Variants in RANBP3 observed in about 807,000 individuals in gnomAD.
RANBP3 encodes the protein ran-binding protein 3.
RANBP3 carries 14 observed loss-of-function variants against 77.3 expected under a neutral mutation model. The ratio of observed to expected loss-of-function variants is 0.18; its 90% CI spans 0.12 to 0.28. The LOEUF is 0.28. Ranked by LOEUF, RANBP3 falls within the 10% of genes least tolerant of loss-of-function variation. The pLI, the probability that RANBP3 is intolerant of heterozygous loss-of-function variation, is 1.00. For missense variants in RANBP3, 586 were observed against 752.3 expected (o/e 0.78, Z 2.59); for synonymous variants, 315 against 312.4 (o/e 1.01, Z -0.09).
intron 5 of RANBP3, among the ~76,000 whole-genome samples, chr19:5,940,695 C>G (rs967834172): frequency 6.6e-6 from 1 of 152,142 alleles, no homozygotes; most frequent in Non-Finnish European, 1.5e-5. Context: ...CATGAACTTT[C>G]CAGGAATGGA....
At chr19:5,954,805 C>A (rs2058316538) in intron 2 of RANBP3, among the ~76,000 whole-genome samples, 1 of 152,182 alleles carries the variant, frequency 6.6e-6, no homozygotes, top group Non-Finnish European at 1.5e-5. Context: ...TCCCTGCAGG[C>A]CCTGAACCAG....
In RANBP3 at chr19:5,921,173, G is replaced by A. The variant is rs1251229516; in HGVS notation, c.1330+28C>T. 6.3e-7 allele frequency: 1 copy of A among 1,599,536 alleles called. No homozygotes were observed. The highest frequency in any genetic ancestry group is 1.3e-5 in the African/African-American group (1 of 74,666). On this transcript the variant is annotated intron_variant, in intron 14 of 16. Transcript: ENST00000340578. This position sits in a 1 kb window ranked among gnomAD's most constrained non-coding sequence, Gnocchi z 5.3. The stretch of plus-strand genomic sequence containing the variant: ...CCCCAGCCCTCCCCATGGGGACCCG[G>A]CCACAGCCCCCGCCGTCGGCAGCTC...
intron 3 of RANBP3, among the ~76,000 whole-genome samples, chr19:5,946,595 G>A (rs750126529): frequency 3.9e-5 from 6 of 152,180 alleles, no homozygotes; most frequent in Non-Finnish European, 7.4e-5. Flanking sequence ...GACAGAACGC[G>A]TGCCTGTGGA....
chr19:5,949,493 C>T (rs1429970217), intron 3 of RANBP3, among the ~76,000 whole-genome samples: 1 of 152,198 alleles, frequency 6.6e-6, no homozygotes, highest in African/African-American at 2.4e-5. Context: ...TCCTGGGGCT[C>T]CTGAAAGTGG....
chr19:5,945,158 G>A (rs1360231034), intron 3 of RANBP3, among the ~76,000 whole-genome samples: 1 of 152,182 alleles, frequency 6.6e-6, no homozygotes, highest in Non-Finnish European at 1.5e-5. Context: ...AGCCCGTTTA[G>A]CATTTGTTCA....
intron 1 of RANBP3, among the ~76,000 whole-genome samples, chr19:5,972,061 T>C (rs972510304): frequency 6.6e-6 from 1 of 152,272 alleles, no homozygotes; most frequent in Non-Finnish European, 1.5e-5. Context: ...TGGCTCCTAA[T>C]TACAAACAAA....
At chr19:5,966,010 G>A (rs1178396231) in intron 1 of RANBP3, 1 of 152,234 alleles carries the variant, frequency 6.6e-6, no homozygotes, top group Admixed American at 6.5e-5. Flanking sequence ...CGACTCTGAA[G>A]CCCCGGCCCA....
In RANBP3 at chr19:5,935,766, T is replaced by C. The variant is rs114495241; in HGVS notation, c.407-2287A>G. The C allele has an allele frequency of 8.2e-4, 374 of 456,760 alleles. 2 individuals are homozygous for C. Among genetic ancestry groups the C allele is most frequent in the African/African-American group, 6.7e-3 (338 of 50,218 alleles). The allele number at this position is 456,760 out of a possible 1,614,324, so 28.3% of individuals were successfully genotyped here. A position where few individuals can be genotyped will look rare whatever the true frequency, so the allele number is the denominator to read the frequency against. On this transcript the variant is annotated intron_variant, in intron 5 of 16. Coordinates refer to ENST00000340578, the MANE Select transcript of RANBP3 (RefSeq NM_007322.3). ...GCGTGCTCCAGGGGTAGCCAAAATC[T>C]GGAGGTCCCTGTCACAGGCCCTGCT...
At chr19:5,940,975 G>A (rs1411798942) in intron 5 of RANBP3, among the ~76,000 whole-genome samples, 2 of 152,210 alleles carry the variant, frequency 1.3e-5, no homozygotes, top group Admixed American at 1.3e-4. Flanking sequence ...TGAGTCCCCA[G>A]GCCGACCTCC....
At chr19:5,962,520 G>A (rs1360386456) in intron 1 of RANBP3, among the ~76,000 whole-genome samples, 1 of 152,108 alleles carries the variant, frequency 6.6e-6, no homozygotes, top group African/African-American at 2.4e-5. Flanking sequence ...AATGTCACAC[G>A]CCGCAAGGAC....
chr19:5,923,364 C>G, intron 12 of RANBP3, 61 bp from the exon 13 acceptor site: 1 of 1,516,640 alleles, frequency 6.6e-7, no homozygotes, highest in Non-Finnish European at 9.1e-7. Context: ...GCCATCTCCC[C>G]TCATCCGACA....
chr19:5,935,661 AC>A (rs2058054570), intron 5 of RANBP3: 1 of 454,628 alleles, frequency 2.2e-6, no homozygotes, highest in Non-Finnish European at 4.4e-6. Context: ...GAAGCAGGAG[AC>A]TTGGATAATC....
At chr19:5,977,538 G>A (rs1169863780) in intron 1 of RANBP3, among the ~76,000 whole-genome samples, 1 of 152,174 alleles carries the variant, frequency 6.6e-6, no homozygotes, top group Non-Finnish European at 1.5e-5. Flanking sequence ...GGCGGGGACG[G>A]GGTGAAAACG....
intron 1 of RANBP3, among the ~76,000 whole-genome samples, chr19:5,964,422 A>C (rs771222113): frequency 1.3e-5 from 2 of 152,112 alleles, no homozygotes; most frequent in African/African-American, 2.4e-5. Flanking sequence ...GGATGAAAAG[A>C]TTCAATCCTA....
Position 5,968,733 on chromosome 19 carries a change from T to C in RANBP3, c.22+9328A>G, listed in dbSNP as rs1043273372. Among the ~76,000 whole-genome samples the C allele has an allele frequency of 2.0e-5, 3 of 152,134 alleles. 1 individual carries two copies. The highest frequency in any genetic ancestry group is 4.8e-5 in the African/African-American group (2 of 41,438). On this transcript the variant is annotated intron_variant, in intron 1 of 16. Coordinates refer to ENST00000340578, the MANE Select transcript of RANBP3 (RefSeq NM_007322.3). ...GAGGTCACAGGAAACAGGTGGGATC[T>C]GAAGGCAGGCCGAGCCGAGCAGCCA...
At chr19:5,954,350 A>G (rs1243641961) in intron 2 of RANBP3, among the ~76,000 whole-genome samples, 1 of 152,178 alleles carries the variant, frequency 6.6e-6, no homozygotes, top group Non-Finnish European at 1.5e-5. Context: ...GGCAATTAGG[A>G]CAATTTAAAA....
Position 5,952,839 on chromosome 19 carries a change from C to G in RANBP3, c.79-1243G>C, listed in dbSNP as rs891383583. On this transcript the variant is annotated intron_variant, in intron 2 of 16. Coordinates refer to ENST00000340578, the MANE Select transcript of RANBP3 (RefSeq NM_007322.3). This position sits in a 1 kb window ranked among gnomAD's most constrained non-coding sequence, Gnocchi z 4.1. ...CCTCTTCGTATCCAGGGCAGAGCCA[C>G]GGACCAGCCGCTCTCTAAACCTGGC... is the stretch of plus-strand genomic sequence containing the variant. Among the ~76,000 whole-genome samples the G allele has an allele frequency of 1.3e-5, 2 of 152,160 alleles. No homozygotes were observed. Among genetic ancestry groups the G allele is most frequent in the Non-Finnish European group, 2.9e-5 (2 of 68,016 alleles).
At chr19:5,927,769 G>C (rs1204977621) in intron 9 of RANBP3, among the ~76,000 whole-genome samples, 199 bp downstream of exon 9, 1 of 152,154 alleles carries the variant, frequency 6.6e-6, no homozygotes, top group Non-Finnish European at 1.5e-5. Flanking sequence ...CCGAAGCCTG[G>C]GCTGCTGGTG....
At chr19:5,936,773 G>A (rs1418991888) in intron 5 of RANBP3, among the ~76,000 whole-genome samples, 1 of 151,994 alleles carries the variant, frequency 6.6e-6, no homozygotes, top group Admixed American at 6.6e-5. Context: ...AACCATAGAC[G>A]GTCACCCACT....
Sources: gnomAD v4.1 joint callset for allele counts (sites outside exome capture counted in the v4.1 genomes callset) on GRCh38, gnomAD v4.1.1 for gene constraint, Gnocchi (gnomAD v3.1) non-coding constraint, MANE v1.5 for transcripts, NCBI Gene and HGNC (gene_info 2026-07-23, HGNC 2026-07-21) for gene names.